Variants in RBMS3 observed in about 807,000 individuals in gnomAD.
RBMS3 encodes the protein RNA binding motif single stranded interacting protein 3, also known as RNA-binding motif, single-stranded-interacting protein 3.
A neutral mutation model predicts 66.8 loss-of-function variants in RBMS3; 27 were observed. The ratio of observed to expected loss-of-function variants is 0.40; its 90% CI spans 0.30 to 0.56. The LOEUF is 0.56. RBMS3 is among the 20% of genes least tolerant of loss of function. The probability of loss-of-function intolerance (pLI) is 0.40; values close to 1 mark genes in which losing one functional copy is unlikely to be tolerated. For synonymous variants in RBMS3, 188 were observed against 183.0 expected (o/e 1.03, Z -0.22); for missense variants, 513 against 549.5 (o/e 0.93, Z 0.66).
At chr3:29,950,060 GGT>G (rs2149713487) in intron 12 of RBMS3, among the ~76,000 whole-genome samples, 1 of 151,814 alleles carries the variant, frequency 6.6e-6, no homozygotes, top group South Asian at 2.1e-4. Flanking sequence ...TTTCCCCCTG[GGT>G]AACTGCTTCC....
chr3:29,692,273 C>T (rs903105358), intron 4 of RBMS3, among the ~76,000 whole-genome samples: 44 of 151,892 alleles, frequency 2.9e-4, no homozygotes, highest in African/African-American at 6.8e-4. Flanking sequence ...TGAGCCACCG[C>T]GCCCGACCTC....
At chr3:29,849,457 T>C (rs74596549) in intron 6 of RBMS3, among the ~76,000 whole-genome samples, 6,210 of 147,488 alleles carry the variant, frequency 0.042, 178 homozygotes, top group East Asian at 0.13. Context: ...GAGGTTGCAG[T>C]GAGCCGAGAT....
chr3:29,383,953 A>G (rs1372973047), intron 1 of RBMS3, among the ~76,000 whole-genome samples: 1 of 152,240 alleles, frequency 6.6e-6, no homozygotes, highest in Non-Finnish European at 1.5e-5. Flanking sequence ...TAACTATACG[A>G]TAAGTATTTC....
At chr3:29,830,405 C>T (rs1005012202) in intron 6 of RBMS3, among the ~76,000 whole-genome samples, 1 of 152,064 alleles carries the variant, frequency 6.6e-6, no homozygotes, top group Non-Finnish European at 1.5e-5. Context: ...CGTTTGTTCA[C>T]AAATAAACTC....
At chr3:29,502,870 G>A (rs2044030580) in intron 3 of RBMS3, among the ~76,000 whole-genome samples, 3 of 152,088 alleles carry the variant, frequency 2.0e-5, no homozygotes, top group South Asian at 2.1e-4. Flanking sequence ...GACTCAGAAT[G>A]AGCCATGTGC....
At chr3:29,696,666 TTC>T (rs2052293573) in intron 4 of RBMS3, among the ~76,000 whole-genome samples, 1 of 152,158 alleles carries the variant, frequency 6.6e-6, no homozygotes, top group Non-Finnish European at 1.5e-5. Context: ...TGATGATAAT[TTC>T]TGTTTTAGCT....
intron 14 of RBMS3, among the ~76,000 whole-genome samples, chr3:29,998,913 G>A (rs1403583135): frequency 1.3e-5 from 2 of 152,056 alleles, no homozygotes; most frequent in East Asian, 3.9e-4. Flanking sequence ...AGCCAAAATT[G>A]ACAAATGGGA....
intron 6 of RBMS3, among the ~76,000 whole-genome samples, chr3:29,791,365 G>C (rs779429395): frequency 6.6e-6 from 1 of 152,080 alleles, no homozygotes; most frequent in African/African-American, 2.4e-5. Context: ...TTGAAATGAT[G>C]TTTAAAAGCC....
intron 2 of RBMS3, among the ~76,000 whole-genome samples, chr3:29,459,524 A>G (rs2042302406): frequency 6.6e-6 from 1 of 152,146 alleles, no homozygotes; most frequent in African/African-American, 2.4e-5. Context: ...CTTCCTAGGT[A>G]TGGGTATTTA....
At chr3:29,862,245 G>A (rs577038618) in intron 6 of RBMS3, among the ~76,000 whole-genome samples, 6 of 152,226 alleles carry the variant, frequency 3.9e-5, no homozygotes, top group Admixed American at 2.6e-4. Flanking sequence ...GTCTGGAAAC[G>A]GGCCCAAGAG....
intron 4 of RBMS3, among the ~76,000 whole-genome samples, chr3:29,681,621 C>A (rs954703115): frequency 6.6e-6 from 1 of 152,132 alleles, no homozygotes; most frequent in African/African-American, 2.4e-5. Flanking sequence ...TTTCTGTTCC[C>A]GCGTTAGTTT....
chr3:29,622,607 T>C (rs1345972067), intron 4 of RBMS3, among the ~76,000 whole-genome samples: 1 of 152,210 alleles, frequency 6.6e-6, no homozygotes, highest in African/African-American at 2.4e-5. Flanking sequence ...GTAGCATCTA[T>C]GATGTAAAAC....
intron 12 of RBMS3, among the ~76,000 whole-genome samples, chr3:29,974,465 A>G (rs1432993116): frequency 1.3e-5 from 2 of 151,936 alleles, no homozygotes; most frequent in Non-Finnish European, 2.9e-5. Context: ...TAACACATGT[A>G]CAGAAAAAAT....
intron 12 of RBMS3, among the ~76,000 whole-genome samples, chr3:29,956,564 T>C (rs1224630649): frequency 6.6e-6 from 1 of 152,042 alleles, no homozygotes; most frequent in Non-Finnish European, 1.5e-5. Context: ...TGTTGGCTTT[T>C]ACTCTTAATA....
At chr3:29,630,244 G>C (rs2049234601) in intron 4 of RBMS3, among the ~76,000 whole-genome samples, 1 of 151,958 alleles carries the variant, frequency 6.6e-6, no homozygotes, top group Admixed American at 6.6e-5. Flanking sequence ...ACTCAGTTTT[G>C]TTTTTTAATT....
At chr3:29,286,832 A>G (rs1056545613) in intron 1 of RBMS3, among the ~76,000 whole-genome samples, 4 of 152,124 alleles carry the variant, frequency 2.6e-5, no homozygotes, top group Non-Finnish European at 5.9e-5. Flanking sequence ...CCAAAACAAC[A>G]AAAAAAGTAT....
chr3:29,451,978 T>C (rs991080586), intron 2 of RBMS3, among the ~76,000 whole-genome samples: 22 of 151,874 alleles, frequency 1.4e-4, no homozygotes, highest in African/African-American at 4.8e-4. Flanking sequence ...CAAAGTTGCA[T>C]AGTGAGTGTT....
At position 29,713,083 on chromosome 3, in the gene RBMS3, G is replaced by A. The variant is rs1427681085; in HGVS notation, c.400-26637G>A. Among the ~76,000 whole-genome samples, 7 of 151,996 alleles carry A rather than the reference G, an allele frequency of 4.6e-5. No homozygotes were observed. In the East Asian group the frequency reaches 1.4e-3, roughly 29 times the overall value. ...ATATTAATTCTTCAAGACCTTCTTA[G>A]TGATTGATTATTGTGGCTAGTATCT... On this transcript the variant is annotated intron_variant, in intron 4 of 14. Transcript: ENST00000383767.
At position 30,007,075 on chromosome 3, in the gene RBMS3, A is replaced by G. The variant is rs1187350900; in HGVS notation, c.*3213A>G. 1.3e-5 allele frequency: 2 copies of G among 152,016 alleles called. No homozygotes were observed. Among genetic ancestry groups the G allele is most frequent in the Non-Finnish European group, 2.9e-5 (2 of 67,922 alleles). 9.4% of individuals were successfully genotyped at this position (152,016 alleles called of 1,614,324 possible). A position where few individuals can be genotyped will look rare whatever the true frequency, so the allele number is the denominator to read the frequency against. On this transcript the variant is annotated 3_prime_UTR_variant, in exon 15 of 15. Transcript: ENST00000383767. ...GAAGGAAAACAACGGCACATACTCAAATTTGCCCTGCTTTGTCTGTTGTCT... is the reference window on the plus strand; with the variant it reads ...GAAGGAAAACAACGGCACATACTCAGATTTGCCCTGCTTTGTCTGTTGTCT...
Sources: allele counts gnomAD v4.1 joint callset (sites outside exome capture counted in the v4.1 genomes callset), GRCh38; gene constraint gnomAD v4.1.1; transcripts MANE v1.5; gene names NCBI Gene and HGNC (gene_info 2026-07-23, HGNC 2026-07-21).